The following FGF14 variants were observed in gnomAD, a reference collection of about 807,000 sequenced individuals.
The protein encoded by FGF14 is fibroblast growth factor homologous factor 4.
In FGF14, 5 loss-of-function variants were observed where a neutral mutation model predicts 25.5. That is an observed-to-expected ratio of 0.20 (90% CI 0.10 to 0.41). The LOEUF (loss-of-function observed/expected upper bound fraction) is 0.41. FGF14 is among the 10% of genes least tolerant of loss of function. The probability of loss-of-function intolerance (pLI) is 1.00; values close to 1 mark genes in which losing one functional copy is unlikely to be tolerated. For missense variants in FGF14, 222 were observed against 320.1 expected, an observed-to-expected ratio of 0.69 and a Z score of 2.34; for synonymous variants, 138 against 118.3, an observed-to-expected ratio of 1.17 and a Z score of -1.08.
intron 1 of FGF14, among the ~76,000 whole-genome samples, chr13:102,127,171 C>G (rs1431086375): frequency 6.6e-6 from 1 of 152,052 alleles, no homozygotes; most frequent in African/African-American, 2.4e-5. Flanking sequence ...CATATTTACT[C>G]TTAAACTGAA....
rs551299186 is a variant in FGF14 at position 102,240,654 on chromosome 13, C to G, written c.208+160817G>C. ...TAAGTATTGCTGGAAGAAACAGCTACAGGAGAGGAAAGATAAATACCTACC... is the reference window on the plus strand; with the variant it reads ...TAAGTATTGCTGGAAGAAACAGCTAGAGGAGAGGAAAGATAAATACCTACC... On this transcript the variant is annotated intron_variant, in intron 1 of 4. Transcript: ENST00000376131. Among the ~76,000 whole-genome samples the G allele has an allele frequency of 2.0e-5, 3 of 152,162 alleles. No individual in the cohort carries two copies. The South Asian group carries it at 6.2e-4, about 32-fold the overall frequency.
At chr13:101,849,888 T>TC (rs2140352744) in intron 3 of FGF14, among the ~76,000 whole-genome samples, 1 of 152,106 alleles carries the variant, frequency 6.6e-6, no homozygotes, top group Admixed American at 6.6e-5. Flanking sequence ...CTCTGGGATA[T>TC]CCACCATCAT....
chr13:102,116,112 A>G (rs1204943299), intron 1 of FGF14, among the ~76,000 whole-genome samples: 37 of 151,848 alleles, frequency 2.4e-4, no homozygotes, highest in Admixed American at 2.4e-3. Flanking sequence ...TTCCATCTCA[A>G]ATAAACAAAC....
chr13:102,275,234 T>TTCTCTTTCTCTCTCTCTCTCTCTC, intron 1 of FGF14, among the ~76,000 whole-genome samples: 1 of 67,448 alleles, frequency 1.5e-5, no homozygotes, highest in African/African-American at 6.4e-5. Context: ...TTAGGCAGAT[T>TTCTCTTTCTCTCTCTCTCTCTCTC]TCTCTCTCTC....
chr13:102,401,210 T>TAA (rs112789825), intron 1 of FGF14, among the ~76,000 whole-genome samples: 56 of 136,660 alleles, frequency 4.1e-4, no homozygotes, highest in African/African-American at 1.3e-3. Context: ...CCAAATACAT[T>TAA]AAAAAAAAAA....
intron 3 of FGF14, among the ~76,000 whole-genome samples, chr13:101,821,050 G>T (rs891065855): frequency 6.8e-6 from 1 of 147,496 alleles, no homozygotes; most frequent in African/African-American, 2.5e-5. Flanking sequence ...CGGGATTCAC[G>T]CCATTCTCCT....
intron 1 of FGF14, among the ~76,000 whole-genome samples, chr13:101,992,698 G>C (rs992347108): frequency 2.0e-5 from 3 of 151,596 alleles, no homozygotes; most frequent in Admixed American, 2.0e-4. Context: ...CAGAGATGAA[G>C]AATTTATTTA....
intron 3 of FGF14, among the ~76,000 whole-genome samples, chr13:101,797,789 T>C (rs2040635998): frequency 1.0e-5 from 1 of 98,344 alleles, no homozygotes; most frequent in Non-Finnish European, 2.3e-5. Flanking sequence ...GTGTTCAACC[T>C]CAGTAGAAAC....
intron 3 of FGF14, among the ~76,000 whole-genome samples, chr13:101,851,792 T>A (rs574890264): frequency 6.6e-6 from 1 of 152,248 alleles, no homozygotes; most frequent in East Asian, 1.9e-4. Flanking sequence ...AGCCATCATT[T>A]AAAACCAAAG....
chr13:102,309,919 G>C (rs1169664322), intron 1 of FGF14, among the ~76,000 whole-genome samples: 4 of 152,046 alleles, frequency 2.6e-5, no homozygotes, highest in Non-Finnish European at 4.4e-5. Flanking sequence ...AATCTCATCT[G>C]GATAGAAACC....
intron 1 of FGF14, among the ~76,000 whole-genome samples, chr13:102,262,335 C>T (rs2052758643): frequency 6.6e-6 from 1 of 152,082 alleles, no homozygotes. Flanking sequence ...ATCATTATTT[C>T]CTACCTACTA....
intron 3 of FGF14, among the ~76,000 whole-genome samples, chr13:101,804,237 T>C (rs1191694064): frequency 6.6e-6 from 1 of 152,136 alleles, no homozygotes; most frequent in African/African-American, 2.4e-5. Context: ...TAGTTTGGGC[T>C]GGATGTGTAA....
At chr13:101,987,315 G>A (rs1412487136) in intron 1 of FGF14, among the ~76,000 whole-genome samples, 4 of 152,018 alleles carry the variant, frequency 2.6e-5, no homozygotes, top group Non-Finnish European at 2.9e-5. Flanking sequence ...CTCTCTCCCT[G>A]TACTGAGAAC....
At chr13:102,399,865 C>G (rs977664580) in intron 1 of FGF14, among the ~76,000 whole-genome samples, 1 of 152,126 alleles carries the variant, frequency 6.6e-6, no homozygotes, top group East Asian at 1.9e-4. Flanking sequence ...ACCGAGTCCA[C>G]GGAGCAGCCA....
At chr13:101,836,578 T>C (rs1191286275) in intron 3 of FGF14, among the ~76,000 whole-genome samples, 1 of 152,096 alleles carries the variant, frequency 6.6e-6, no homozygotes, top group Admixed American at 6.6e-5. Flanking sequence ...CATCCTCGTA[T>C]ATCTAACTTG....
chr13:101,909,198 A>G (rs9300703), intron 1 of FGF14, among the ~76,000 whole-genome samples: 48,085 of 152,068 alleles, frequency 0.32, 7,923 homozygotes, highest in East Asian at 0.46. Flanking sequence ...CTTCATGTCT[A>G]AAACACCAAA....
intron 1 of FGF14, among the ~76,000 whole-genome samples, chr13:102,347,521 G>A (rs541081895): frequency 6.6e-6 from 1 of 152,256 alleles, no homozygotes; most frequent in East Asian, 1.9e-4. Flanking sequence ...GGTGGAAGGA[G>A]GCTTTAGGAA....
intron 1 of FGF14, among the ~76,000 whole-genome samples, chr13:102,387,013 C>G (rs2058320867): frequency 6.6e-6 from 1 of 152,130 alleles, no homozygotes; most frequent in East Asian, 1.9e-4. Flanking sequence ...TAAAATGGAC[C>G]CTTCCCCTTC....
intron 1 of FGF14, among the ~76,000 whole-genome samples, chr13:102,081,573 A>C (rs983275173): frequency 5.9e-5 from 9 of 152,094 alleles, no homozygotes; most frequent in Admixed American, 4.6e-4. Flanking sequence ...AAAGATTTTC[A>C]TCCCTGCTCT....
Sources: gnomAD v4.1 joint callset for allele counts (sites outside exome capture counted in the v4.1 genomes callset) on GRCh38, gnomAD v4.1.1 for gene constraint, MANE v1.5 for transcripts, NCBI Gene and HGNC (gene_info 2026-07-23, HGNC 2026-07-21) for gene names.